PLEKHG4B: variants seen among roughly 807,000 people sequenced by gnomAD.
PLEKHG4B encodes the protein pleckstrin homology and RhoGEF domain containing G4B.
In PLEKHG4B, 111 loss-of-function variants were observed where a neutral mutation model predicts 121.3. The ratio of observed to expected loss-of-function variants is 0.92; its 90% CI spans 0.78 to 1.07. The LOEUF is 1.07. Ranked by LOEUF, PLEKHG4B falls within the 50% of genes least tolerant of loss-of-function variation. The pLI is 0.00. For missense variants in PLEKHG4B, 1,831 were observed against 1,757.8 expected, an observed-to-expected ratio of 1.04 and a Z score of -0.74; for synonymous variants, 738 against 725.0, an observed-to-expected ratio of 1.02 and a Z score of -0.29.
intron 18 of PLEKHG4B, among the ~76,000 whole-genome samples, chr5:181,260 C>T (rs968590616): frequency 7.9e-5 from 12 of 152,176 alleles, no homozygotes; most frequent in African/African-American, 1.7e-4. Context: ...AGGTTGGACA[C>T]GCCGTTTCCA....
intron 1 of PLEKHG4B, among the ~76,000 whole-genome samples, chr5:99,991 T>C (rs1030853443): frequency 3.1e-4 from 47 of 152,234 alleles, no homozygotes; most frequent in African/African-American, 1.1e-3. Flanking sequence ...ATGTGAGCTT[T>C]TTCCTTTGTT....
intron 11 of PLEKHG4B, among the ~76,000 whole-genome samples, chr5:160,124 TGG>T (rs1439752106): frequency 6.6e-6 from 1 of 152,246 alleles, no homozygotes; most frequent in African/African-American, 2.4e-5. Context: ...ATGCACACTG[TGG>T]GAAAATTAGA....
intron 2 of PLEKHG4B, among the ~76,000 whole-genome samples, chr5:133,994 A>T (rs1464905736): frequency 6.8e-6 from 1 of 147,446 alleles, no homozygotes; most frequent in Admixed American, 6.9e-5. Context: ...ATGATGGAAT[A>T]TATATATATG....
intron 13 of PLEKHG4B, among the ~76,000 whole-genome samples, chr5:167,554 AGGGCAGGGCCCCC>A (rs1309209940): frequency 6.8e-6 from 1 of 147,148 alleles, no homozygotes; most frequent in Non-Finnish European, 1.5e-5. Context: ...ACTGTTCATT[AGGGCAGGGCCCCC>A]GGCTCACCAT....
intron 2 of PLEKHG4B, among the ~76,000 whole-genome samples, chr5:117,199 A>G (rs1410050784): frequency 6.6e-6 from 1 of 152,176 alleles, no homozygotes; most frequent in Non-Finnish European, 1.5e-5. Flanking sequence ...ATTTTATATT[A>G]ATTTTTGCTT....
At chr5:143,575 G>T in intron 5 of PLEKHG4B, 72 bp downstream of exon 5, 1 of 1,569,782 alleles carries the variant, frequency 6.4e-7, no homozygotes, top group Non-Finnish European at 8.7e-7. Context: ...CAAAGTGGGG[G>T]GCACGGGGAG....
chr5:114,943 C>A (rs1159419275), intron 2 of PLEKHG4B, among the ~76,000 whole-genome samples: 1 of 152,202 alleles, frequency 6.6e-6, no homozygotes, highest in African/African-American at 2.4e-5. Context: ...CTTCTAAACT[C>A]CCCTTCATGT....
intron 18 of PLEKHG4B, among the ~76,000 whole-genome samples, chr5:177,972 A>G (rs1454320288): frequency 9.7e-5 from 12 of 124,104 alleles, no homozygotes; most frequent in African/African-American, 2.6e-4. Context: ...CTGTTGGGGG[A>G]ACGTGAGGAT....
intron 18 of PLEKHG4B, among the ~76,000 whole-genome samples, chr5:175,609 C>T (rs1736737409): frequency 6.8e-6 from 1 of 148,030 alleles, no homozygotes; most frequent in Non-Finnish European, 1.5e-5. Context: ...CCCGCCTGAG[C>T]CCTGACCCCT....
chr5:157,326 C>G lies in PLEKHG4B; in HGVS notation c.2487+415C>G, dbSNP rs1352361581. Among the ~76,000 whole-genome samples the G allele has an allele frequency of 6.6e-6, 1 of 151,918 alleles. No individual in the cohort carries two copies. Among genetic ancestry groups the G allele is most frequent in the Non-Finnish European group, 1.5e-5 (1 of 67,984 alleles). On this transcript the variant is annotated intron_variant, in intron 11 of 19. Transcript: ENST00000637938. The surrounding 1 kb of genome is among the most constrained non-coding windows in gnomAD (Gnocchi z 4.6). ...TTGAGGACGGCAGCCTGGGAAACAC[C>G]TCCAGATGACCTCAAGAAGTGGCTC...
At chr5:135,817 ATCTTAAAAC>A (rs748976810) in intron 2 of PLEKHG4B, among the ~76,000 whole-genome samples, 10 of 148,902 alleles carry the variant, frequency 6.7e-5, no homozygotes, top group Non-Finnish European at 1.3e-4. Context: ...AGAAAAGCCC[ATCTTAAAAC>A]TCAAGTGGAA....
intron 1 of PLEKHG4B, among the ~76,000 whole-genome samples, chr5:93,236 G>A (rs1733525732): frequency 6.6e-6 from 1 of 152,082 alleles, no homozygotes; most frequent in African/African-American, 2.4e-5. Flanking sequence ...CAAGATTCCT[G>A]GGAAGGTAGG....
intron 18 of PLEKHG4B, chr5:179,812 T>C (rs969594267): frequency 6.6e-6 from 1 of 152,318 alleles, no homozygotes; most frequent in Non-Finnish European, 1.5e-5. Flanking sequence ...TTCGATCACG[T>C]CTTCCCTGCT....
intron 6 of PLEKHG4B, among the ~76,000 whole-genome samples, chr5:145,892 G>T (rs1201042981): frequency 6.6e-6 from 1 of 152,048 alleles, no homozygotes. Flanking sequence ...TGTCCCTGCT[G>T]AAGACGGAGG....
intron 16 of PLEKHG4B, among the ~76,000 whole-genome samples, chr5:171,784 G>A (rs1736561880): frequency 6.6e-6 from 1 of 152,240 alleles, no homozygotes; most frequent in Admixed American, 6.5e-5. Flanking sequence ...ATTTAAAACA[G>A]GTGGACGTGA....
At chr5:173,107 G>C (rs754889151) in intron 17 of PLEKHG4B, 40 bp downstream of exon 17, 1 of 1,597,334 alleles carries the variant, frequency 6.3e-7, no homozygotes, top group Admixed American at 1.7e-5. Context: ...GGCCGAGCCA[G>C]GCCCTCCAAG....
At chr5:146,314 CCA>C (rs1735412446) in intron 6 of PLEKHG4B, among the ~76,000 whole-genome samples, 1 of 128,540 alleles carries the variant, frequency 7.8e-6, no homozygotes, top group Non-Finnish European at 1.7e-5. Context: ...CTCCTCCCCA[CCA>C]TAGTCCTCCA....
chr5:172,830 C>T, intron 16 of PLEKHG4B, 67 bp from the exon 17 acceptor site: 2 of 1,552,602 alleles, frequency 1.3e-6, no homozygotes, highest in Non-Finnish European at 1.8e-6. Context: ...TAGACGGAGA[C>T]AGTGACCTGT....
intron 1 of PLEKHG4B, among the ~76,000 whole-genome samples, chr5:109,667 G>A (rs372771039): frequency 1.4e-4 from 21 of 152,284 alleles, no homozygotes; most frequent in African/African-American, 4.3e-4. Flanking sequence ...TGTTACCCTC[G>A]TTTCAATAAA....
Sources: allele counts gnomAD v4.1 joint callset (sites outside exome capture counted in the v4.1 genomes callset), GRCh38; gene constraint gnomAD v4.1.1; non-coding constraint Gnocchi (gnomAD v3.1); transcripts MANE v1.5; gene names NCBI Gene and HGNC (gene_info 2026-07-23, HGNC 2026-07-21).